The following HERC1 variants were observed in gnomAD, a reference collection of about 807,000 sequenced individuals.
HERC1 encodes the protein probable E3 ubiquitin-protein ligase HERC1.
HERC1 carries 160 observed loss-of-function variants against 554.3 expected under a neutral mutation model. The observed-to-expected ratio is 0.29, with a 90% confidence interval of 0.25 to 0.33. The LOEUF is 0.33. Among genes scored for constraint, HERC1 ranks in the 10% least tolerant of loss-of-function variants. The pLI is 1.00. For missense variants in HERC1, 4,919 were observed against 5,918.5 expected, an observed-to-expected ratio of 0.83 and a Z score of 5.54; for synonymous variants, 2,175 against 2,131.7, an observed-to-expected ratio of 1.02 and a Z score of -0.56.
intron 1 of HERC1, among the ~76,000 whole-genome samples, chr15:63,818,201 T>A (rs1392319342): frequency 6.6e-6 from 1 of 152,150 alleles, no homozygotes; most frequent in Non-Finnish European, 1.5e-5. Flanking sequence ...AAAGCAACAG[T>A]CACAGAAAAA....
In HERC1 at chr15:63,652,555, A is replaced by G; in HGVS notation, c.10291-14T>C. 1.0e-5 allele frequency: 16 copies of G among 1,560,922 alleles called. No homozygotes were observed. The highest frequency in any genetic ancestry group is 1.4e-5 in the Non-Finnish European group (16 of 1,148,242). On this transcript the variant is annotated splice_polypyrimidine_tract_variant and intron_variant, in intron 51 of 77. Transcript: ENST00000443617. ...ACATGTCATTACCTAGAAAAGTTGA[A>G]ACAGGTAGTCTAATAATTTTCTATT...
At chr15:63,795,234 G>C (rs1177264686) in intron 1 of HERC1, among the ~76,000 whole-genome samples, 1 of 151,998 alleles carries the variant, frequency 6.6e-6, no homozygotes, top group Non-Finnish European at 1.5e-5. Flanking sequence ...TGGGTCAATT[G>C]TCTTAGTTAC....
chr15:63,816,912 A>AT (rs762504330), intron 1 of HERC1, among the ~76,000 whole-genome samples: 3 of 152,368 alleles, frequency 2.0e-5, no homozygotes, highest in Non-Finnish European at 2.9e-5. Context: ...ACAAAGAGAC[A>AT]TAAGACCTTA....
chr15:63,754,620 A>C lies in HERC1; in HGVS notation c.1659T>G (p.Ile553Met). The C allele has an allele frequency of 6.2e-7, 1 of 1,613,582 alleles. No homozygotes were observed. Among genetic ancestry groups the C allele is most frequent in the South Asian group, 1.1e-5 (1 of 91,024 alleles). ...TGCTGATGTCTTTTACTAATGTTGGAATGTTACGACTATTGCTGTCACCAT... is the reference window on the plus strand; with the variant it reads ...TGCTGATGTCTTTTACTAATGTTGGCATGTTACGACTATTGCTGTCACCAT... ...LGHGDSNSRN[I>M]PTLVKDISNV... The change falls in exon 7 of 78, where the codon ATT becomes ATG. Residue 553 changes from isoleucine to methionine, a missense_variant. Transcript: ENST00000443617.
At chr15:63,820,699 T>G (rs947567404) in intron 1 of HERC1, among the ~76,000 whole-genome samples, 3 of 152,274 alleles carry the variant, frequency 2.0e-5, no homozygotes, top group Middle Eastern at 3.4e-3. Context: ...TTTTTTTGCT[T>G]TTGAGACAAG....
In HERC1 at chr15:63,656,231, C is replaced by T; in HGVS notation, c.9727G>A (p.Ala3243Thr). The change falls in exon 49 of 78, where the codon GCT (alanine) becomes ACT (threonine). Residue 3243 changes from alanine (A) to threonine (T), a missense_variant. Ala to Thr is a moderately conservative substitution (Grantham distance 58). This residue lies in a region of HERC1 where 1,963 missense variants were observed against 2,228.6 expected (regional missense o/e 0.88). Transcript: ENST00000443617. ...AGLSTSPSAM[A>T]STSERSRGGH... ...CCTCGTGATCGTTCTGAGGTGCTAG[C>T]CATGGCAGAAGGGCTGGTGGAGAGG... The T allele has an allele frequency of 1.2e-6, 2 of 1,613,668 alleles. No homozygotes were observed. The highest frequency in any genetic ancestry group is 1.7e-6 in the Non-Finnish European group (2 of 1,179,756).
intron 8 of HERC1, among the ~76,000 whole-genome samples, chr15:63,750,843 A>C (rs1299162400): frequency 2.6e-5 from 4 of 152,168 alleles, no homozygotes; most frequent in Non-Finnish European, 5.9e-5. Context: ...GGGATGGGGA[A>C]GATCTCTTGA....
At chr15:63,818,704 A>T (rs752600574) in intron 1 of HERC1, among the ~76,000 whole-genome samples, 2 of 152,212 alleles carry the variant, frequency 1.3e-5, no homozygotes, top group Non-Finnish European at 2.9e-5. Context: ...AAGTATTTCA[A>T]ACTATTCTCA....
intron 34 of HERC1, among the ~76,000 whole-genome samples, chr15:63,683,262 C>T (rs979653556): frequency 6.6e-6 from 1 of 151,880 alleles, no homozygotes; most frequent in African/African-American, 2.4e-5. Context: ...ACTAGTGGGA[C>T]ACAACTTACT....
At chr15:63,622,039 G>C (rs2152757739) in intron 74 of HERC1, among the ~76,000 whole-genome samples, 1 of 152,286 alleles carries the variant, frequency 6.6e-6, no homozygotes, top group East Asian at 1.9e-4. Flanking sequence ...GTGAGGAGCT[G>C]CGTAATCATT....
chr15:63,649,786 A>T lies in HERC1; in HGVS notation c.10686T>A (p.Ile3562=), dbSNP rs1719048977. The stretch of plus-strand genomic sequence containing the variant: ...GCATGGTGGACACATCAACAACTTC[A>T]ATCAGTCCCAGAGATCCATCCATCC... ...VGRMDGSLGL[I]EVVDVSTMHR... is the part of the protein sequence containing the mutation. Residue 3562 remains isoleucine (I), a synonymous_variant, in exon 54 of 78, where the codon ATT becomes ATA. Coordinates refer to ENST00000443617, the MANE Select transcript of HERC1 (RefSeq NM_003922.4). 6.2e-7 allele frequency: 1 copy of T among 1,613,738 alleles called. No individual in the cohort carries two copies.
intron 74 of HERC1, among the ~76,000 whole-genome samples, chr15:63,622,377 G>GAGTAC (rs1450021261): frequency 1.4e-5 from 2 of 145,364 alleles, no homozygotes; most frequent in Admixed American, 7.1e-5. Flanking sequence ...GCCCAGGCTG[G>GAGTAC]AGTACAGTGG....
chr15:63,627,107 T>C (rs1180498727), intron 70 of HERC1, among the ~76,000 whole-genome samples: 2 of 152,156 alleles, frequency 1.3e-5, no homozygotes, highest in Admixed American at 1.3e-4. Context: ...ACTGAGTACC[T>C]GAAATTGTCA....
chr15:63,621,390 T>C (rs566010181), intron 74 of HERC1, among the ~76,000 whole-genome samples: 5 of 152,344 alleles, frequency 3.3e-5, no homozygotes, highest in African/African-American at 9.6e-5. Flanking sequence ...CTTCCCTTTG[T>C]GGGTAACCCG....
rs902413323 is a variant in HERC1, at chr15:63,645,786, T to C, written c.10879-104A>G. On this transcript the variant is annotated intron_variant, in intron 55 of 77. Coordinates refer to ENST00000443617, the MANE Select transcript of HERC1 (RefSeq NM_003922.4). ...ATATTTCTTAGCATCTATATTTCTA[T>C]AACTCATTTATTTTGAAATCAATAT... is the stretch of plus-strand genomic sequence containing the variant. 4 of 684,652 alleles carry C rather than the reference T, an allele frequency of 5.8e-6. 1 individual carries two copies. The highest frequency in any genetic ancestry group is 4.7e-5 in the South Asian group (2 of 42,710). 42.4% of individuals were successfully genotyped at this position (684,652 alleles called of 1,614,324 possible). A position where few individuals can be genotyped will look rare whatever the true frequency, so the allele number is the denominator to read the frequency against.
intron 73 of HERC1, 89 bp from the exon 74 acceptor site, chr15:63,622,980 A>G (rs996417441): frequency 2.7e-6 from 2 of 733,684 alleles, no homozygotes; most frequent in African/African-American, 1.8e-5. Flanking sequence ...TGAAAAGAGA[A>G]TATTTTGAGG....
At chr15:63,673,886 G>A (rs1037879259) in intron 38 of HERC1, among the ~76,000 whole-genome samples, 7 of 152,098 alleles carry the variant, frequency 4.6e-5, no homozygotes, top group East Asian at 1.9e-4. Context: ...CATTATGCCC[G>A]GTTAATTTTT....
intron 63 of HERC1, 103 bp from the exon 64 acceptor site, chr15:63,637,746 T>C (rs2068845945): frequency 2.0e-6 from 2 of 986,636 alleles, no homozygotes; most frequent in Non-Finnish European, 1.4e-6. Flanking sequence ...CTTTTATAAT[T>C]GTTTTATCCT....
intron 33 of HERC1, 144 bp from the exon 34 acceptor site, chr15:63,686,679 A>G (rs1186048087): frequency 4.6e-6 from 3 of 656,052 alleles, no homozygotes; most frequent in Non-Finnish European, 7.6e-6. Flanking sequence ...CAGGAACACA[A>G]TGATAAATAG....
Sources: gnomAD v4.1 joint callset for allele counts (sites outside exome capture counted in the v4.1 genomes callset) on GRCh38, gnomAD v4.1.1 for gene constraint, gnomAD v4.1.1 regional missense constraint, MANE v1.5 for transcripts, NCBI Gene and HGNC (gene_info 2026-07-23, HGNC 2026-07-21) for gene names.